Variants in NCOA6 observed in about 807,000 individuals in gnomAD.
NCOA6 encodes nuclear receptor coactivator 6.
NCOA6 carries 49 observed loss-of-function variants against 171.4 expected under a neutral mutation model. The ratio of observed to expected loss-of-function variants is 0.29; its 90% CI spans 0.23 to 0.36. NCOA6 has a LOEUF of 0.36. NCOA6 is among the 10% of genes least tolerant of loss of function. The pLI is 1.00. For missense variants in NCOA6, 2,248 were observed against 2,554.5 expected (o/e 0.88, Z 2.59); for synonymous variants, 910 against 927.5 (o/e 0.98, Z 0.34).
rs2075970515 is a variant in NCOA6 at position 34,736,716 on chromosome 20, G to A, written c.5936C>T (p.Ala1979Val). The A allele has an allele frequency of 1.9e-6, 3 of 1,611,258 alleles. No individual in the cohort carries two copies. The highest frequency in any genetic ancestry group is 2.2e-5 in the East Asian group (1 of 44,808). Residue 1979 changes from alanine (A) to valine (V), a missense_variant, in exon 12 of 15, where the codon GCA (alanine) becomes GTA (valine). By Grantham distance (64) the Ala-to-Val change is moderately conservative (BLOSUM62 0). Transcript: ENST00000359003. ...NLVSKETSTTALQASVARPEL... is the reference protein window; with the variant it reads ...NLVSKETSTTVLQASVARPEL... ...TGGTCTGGCAACAGAGGCCTGCAGT[G>A]CTGTGGTTGAAGTTTCCTTTGAGAC...
intron 4 of NCOA6, among the ~76,000 whole-genome samples, chr20:34,772,313 CAA>C (rs200276752): frequency 1.8e-4 from 17 of 93,882 alleles, no homozygotes; most frequent in Non-Finnish European, 2.3e-4. Context: ...GACTTTGTCT[CAA>C]AAAAAAAAAA....
At chr20:34,752,342 T>C (rs995441271) in intron 8 of NCOA6, among the ~76,000 whole-genome samples, 2 of 152,214 alleles carry the variant, frequency 1.3e-5, no homozygotes, top group Admixed American at 6.5e-5. Context: ...ATGACCATTG[T>C]ATATGCTTGT....
At chr20:34,758,954 A>G in intron 5 of NCOA6, 21 bp from the exon 6 acceptor site, 11 of 1,612,348 alleles carry the variant, frequency 6.8e-6, no homozygotes, top group Non-Finnish European at 8.5e-6. Flanking sequence ...GATCCCTAAA[A>G]TAGAGTACTG....
At chr20:34,759,097 G>A (rs558089615) in intron 5 of NCOA6, among the ~76,000 whole-genome samples, 164 bp from the exon 6 acceptor site, 7 of 151,028 alleles carry the variant, frequency 4.6e-5, no homozygotes, top group African/African-American at 1.7e-4. Context: ...ACAGCTCACT[G>A]CCATCTCGAC....
chr20:34,739,400 G>A (rs1408756316), intron 11 of NCOA6, among the ~76,000 whole-genome samples: 1 of 152,184 alleles, frequency 6.6e-6, no homozygotes, highest in African/African-American at 2.4e-5. Flanking sequence ...GGTAAATGCT[G>A]GTGTTATAAT....
chr20:34,721,238 C>CAAAAAAAAAAAAAAAAAAAAA lies in NCOA6; in HGVS notation c.6149-5894_6149-5874dup, dbSNP rs10531679. On this transcript the variant is annotated intron_variant, in intron 14 of 14. Coordinates refer to ENST00000359003, the MANE Select transcript of NCOA6 (RefSeq NM_014071.5). ...CTCCCCTTCCCCTTCTTCCTCTATA[C>CAAAAAAAAAAAAAAAAAAAAA]AAAAAAAAAAAAAAAAAAAAAAAAA... Among the ~76,000 whole-genome samples, 11 of 66,048 alleles carry CAAAAAAAAAAAAAAAAAAAAA rather than the reference C, an allele frequency of 1.7e-4. 2 individuals are homozygous for CAAAAAAAAAAAAAAAAAAAAA. Among genetic ancestry groups the CAAAAAAAAAAAAAAAAAAAAA allele is most frequent in the African/African-American group, 7.0e-4 (11 of 15,724 alleles). 43.3% of individuals were successfully genotyped at this position (66,048 alleles called of 152,430 possible). A position where few individuals can be genotyped will look rare whatever the true frequency, so the allele number is the denominator to read the frequency against.
chr20:34,773,745 A>G (rs2077224273), intron 4 of NCOA6, among the ~76,000 whole-genome samples: 1 of 152,114 alleles, frequency 6.6e-6, no homozygotes, highest in African/African-American at 2.4e-5. Flanking sequence ...GCTGGTCTCA[A>G]ACTCCTCCCC....
Position 34,749,714 on chromosome 20 carries a change from G to A in NCOA6, c.2481C>T (p.Asn827=). Residue 827 remains asparagine, a synonymous_variant, in exon 9 of 15, where the codon AAC becomes AAT. Coordinates refer to ENST00000359003, the MANE Select transcript of NCOA6 (RefSeq NM_014071.5). ...MMPDVSIQQT[N]MVPPHVQAMQ... ...TGGCCTGCACATGAGGGGGGACCATGTTGGTTTGTTGAATGCTAACATCAG... is the reference window on the plus strand; with the variant it reads ...TGGCCTGCACATGAGGGGGGACCATATTGGTTTGTTGAATGCTAACATCAG... 1 of 1,614,240 alleles carries A rather than the reference G, an allele frequency of 6.2e-7. No individual in the cohort carries two copies. Among genetic ancestry groups the A allele is most frequent in the Non-Finnish European group, 8.5e-7 (1 of 1,180,042 alleles).
intron 12 of NCOA6, 26 bp from the exon 13 acceptor site, chr20:34,732,621 A>G (rs767502294): frequency 1.2e-6 from 2 of 1,607,240 alleles, no homozygotes; most frequent in Non-Finnish European, 1.7e-6. Flanking sequence ...AAGGATAGAA[A>G]TGAAATGTGG....
intron 3 of NCOA6, among the ~76,000 whole-genome samples, chr20:34,781,171 A>G (rs2077506300): frequency 6.6e-6 from 1 of 152,186 alleles, no homozygotes; most frequent in African/African-American, 2.4e-5. Flanking sequence ...AACCTTGTAC[A>G]ACACAGTGAA....
rs1230381903 is a variant in NCOA6 at position 34,740,487 on chromosome 20, G to A, written c.5769C>T (p.Pro1923=). Residue 1923 remains proline, a synonymous_variant, in exon 11 of 15, where the codon CCC becomes CCT. Transcript: ENST00000359003. ...TCGGTACGGCGGAGATGAGCTCGGA[G>A]GGTACCAGAGTGGTTACTATCGAGC... is the stretch of plus-strand genomic sequence containing the variant. ...SVRSIVTTLV[P]SELISAVPTT... 1 of 1,614,086 alleles carries A rather than the reference G, an allele frequency of 6.2e-7. No homozygotes were observed. Among genetic ancestry groups the A allele is most frequent in the Non-Finnish European group, 8.5e-7 (1 of 1,180,052 alleles).
At chr20:34,777,201 G>C (rs1311263511) in intron 3 of NCOA6, among the ~76,000 whole-genome samples, 2 of 151,170 alleles carry the variant, frequency 1.3e-5, no homozygotes, top group Non-Finnish European at 2.9e-5. Context: ...AAAAATGCTT[G>C]ACATAACTAA....
At chr20:34,770,872 C>T (rs745403875) in intron 4 of NCOA6, among the ~76,000 whole-genome samples, 8 of 151,634 alleles carry the variant, frequency 5.3e-5, no homozygotes, top group Non-Finnish European at 1.2e-4. Flanking sequence ...TCAGACAATC[C>T]GCCTGTCTTG....
intron 8 of NCOA6, among the ~76,000 whole-genome samples, chr20:34,750,770 T>TA (rs1022664536): frequency 6.6e-6 from 1 of 152,192 alleles, no homozygotes; most frequent in African/African-American, 2.4e-5. Context: ...TATGGTATCT[T>TA]AAAGATTTAA....
At chr20:34,781,394 C>G (rs1194926780) in intron 3 of NCOA6, among the ~76,000 whole-genome samples, 1 of 152,116 alleles carries the variant, frequency 6.6e-6, no homozygotes, top group Admixed American at 6.5e-5. Flanking sequence ...CACAAATGCC[C>G]GTAAGATATG....
intron 3 of NCOA6, among the ~76,000 whole-genome samples, chr20:34,777,465 A>AT (rs1332218562): frequency 1.3e-5 from 2 of 151,850 alleles, no homozygotes; most frequent in Non-Finnish European, 2.9e-5. Context: ...AAATACAAAA[A>AT]TTAGCCAGGC....
At position 34,749,557 on chromosome 20, in the gene NCOA6, C is replaced by T; in HGVS notation, c.2638G>A (p.Val880Ile). 1 of 1,614,196 alleles carries T rather than the reference C, an allele frequency of 6.2e-7. No individual in the cohort carries two copies. Among genetic ancestry groups the T allele is most frequent in the Non-Finnish European group, 8.5e-7 (1 of 1,180,038 alleles). ...ACCAACAATGGGCTCGTTAGCGTGA[C>T]ATCCTTATTGACTGGGAAGCCTGGA... The part of the protein sequence containing the change: ...QNPGFPVNKD[V>I]TLTSPLLVNL... Residue 880 changes from valine (V) to isoleucine (I), a missense_variant, in exon 9 of 15, where the codon GTC (valine) becomes ATC (isoleucine). Val to Ile is a conservative substitution (Grantham distance 29, BLOSUM62 3). Transcript: ENST00000359003.
chr20:34,740,221 G>T (rs956315771), intron 11 of NCOA6, 142 bp downstream of exon 11: 1 of 1,165,246 alleles, frequency 8.6e-7, no homozygotes, highest in Non-Finnish European at 1.2e-6. Flanking sequence ...ATTTTCCAAC[G>T]TACTTTCAAT....
intron 1 of NCOA6, among the ~76,000 whole-genome samples, chr20:34,818,357 T>C (rs2078906073): frequency 6.6e-6 from 1 of 151,998 alleles, no homozygotes; most frequent in South Asian, 2.1e-4. Flanking sequence ...CTGGTTCTAT[T>C]TAAAAACAAA....
Sources: allele counts gnomAD v4.1 joint callset (sites outside exome capture counted in the v4.1 genomes callset), GRCh38; gene constraint gnomAD v4.1.1; transcripts MANE v1.5; gene names NCBI Gene and HGNC (gene_info 2026-07-23, HGNC 2026-07-21).